Variants in RFX3 observed in about 807,000 individuals in gnomAD.
RFX3 encodes regulatory factor X3, also known as transcription factor RFX3.
In RFX3, 14 loss-of-function variants were observed where a neutral mutation model predicts 98.6. The observed-to-expected ratio is 0.14, with a 90% CI of 0.09 to 0.22. RFX3 has a LOEUF of 0.22. Among genes scored for constraint, RFX3 ranks in the 10% least tolerant of loss-of-function variants. RFX3 has a pLI of 1.00. For synonymous variants in RFX3, 383 were observed against 328.4 expected (o/e 1.17, Z -1.80); for missense variants, 639 against 926.9 (o/e 0.69, Z 4.03).
intron 3 of RFX3, among the ~76,000 whole-genome samples, chr9:3,344,096 G>C (rs1251217492): frequency 1.3e-5 from 2 of 152,146 alleles, no homozygotes; most frequent in Non-Finnish European, 2.9e-5. Flanking sequence ...CAGCAGTAAA[G>C]CAGTTTAAAA....
In RFX3 at chr9:3,288,124, A is replaced by G. The variant is rs1826883236; in HGVS notation, c.851+7T>C. On this transcript the variant is annotated splice_region_variant and intron_variant, in intron 7 of 16. Coordinates refer to ENST00000617270, the MANE Select transcript of RFX3 (RefSeq NM_001282116.2). ...TTGGACACATCAATGATAACTTCAG[A>G]GTCTACCTTTGTTTCTGTTGCATGG... 6.2e-7 allele frequency: 1 copy of G among 1,612,480 alleles called. No homozygotes were observed. The highest frequency in any genetic ancestry group is 2.2e-5 in the East Asian group (1 of 44,798).
At chr9:3,315,305 A>C (rs1357727223) in intron 4 of RFX3, among the ~76,000 whole-genome samples, 1 of 152,226 alleles carries the variant, frequency 6.6e-6, no homozygotes, top group African/African-American at 2.4e-5. Context: ...GGCAGAAATA[A>C]AGGTATTCTT....
intron 1 of RFX3, among the ~76,000 whole-genome samples, chr9:3,523,212 A>C (rs1319581813): frequency 6.6e-6 from 1 of 152,226 alleles, no homozygotes; most frequent in African/African-American, 2.4e-5. Context: ...CTTCTATTTA[A>C]TAGTTTTAGT....
chr9:3,444,108 C>T (rs764507171), intron 1 of RFX3, among the ~76,000 whole-genome samples: 7 of 152,130 alleles, frequency 4.6e-5, no homozygotes, highest in African/African-American at 7.2e-5. Context: ...AAATCATGTA[C>T]ATCGATAGTC....
chr9:3,402,615 A>G (rs990741747), intron 1 of RFX3, among the ~76,000 whole-genome samples: 1 of 151,962 alleles, frequency 6.6e-6, no homozygotes, highest in Admixed American at 6.6e-5. Context: ...TTTTTAAAAC[A>G]TAGAACCAAA....
At chr9:3,409,913 C>T (rs1374777104) in intron 1 of RFX3, among the ~76,000 whole-genome samples, 1 of 151,952 alleles carries the variant, frequency 6.6e-6, no homozygotes, top group African/African-American at 2.4e-5. Flanking sequence ...GAACTCAAGA[C>T]TCCCAATTCC....
At chr9:3,435,342 A>G (rs1410258706) in intron 1 of RFX3, among the ~76,000 whole-genome samples, 1 of 151,926 alleles carries the variant, frequency 6.6e-6, no homozygotes, top group Non-Finnish European at 1.5e-5. Context: ...CTGTACTAAA[A>G]TATTTTCTTT....
At chr9:3,283,354 C>T (rs1358567123) in intron 7 of RFX3, among the ~76,000 whole-genome samples, 1 of 151,638 alleles carries the variant, frequency 6.6e-6, no homozygotes, top group Non-Finnish European at 1.5e-5. Context: ...ATACGTTATT[C>T]CACTTGAACT....
chr9:3,453,932 G>A (rs1042991083), intron 1 of RFX3, among the ~76,000 whole-genome samples: 1 of 151,938 alleles, frequency 6.6e-6, no homozygotes, highest in African/African-American at 2.4e-5. Flanking sequence ...AAAAAGATAT[G>A]TCCACATTTA....
At chr9:3,383,981 A>G (rs1281532892) in intron 2 of RFX3, among the ~76,000 whole-genome samples, 2 of 152,150 alleles carry the variant, frequency 1.3e-5, no homozygotes, top group African/African-American at 4.8e-5. Flanking sequence ...CATTAAATTA[A>G]CCCTCTGATA....
intron 16 of RFX3, among the ~76,000 whole-genome samples, chr9:3,228,387 C>T (rs1031093037): frequency 2.0e-5 from 3 of 152,184 alleles, no homozygotes; most frequent in African/African-American, 7.2e-5. Flanking sequence ...ATCTATACCA[C>T]TACTAATCTT....
chr9:3,338,423 T>C (rs1183159344), intron 3 of RFX3, among the ~76,000 whole-genome samples: 2 of 152,234 alleles, frequency 1.3e-5, no homozygotes, highest in East Asian at 1.9e-4. Flanking sequence ...GTATTTTCAT[T>C]ACTATGTATG....
chr9:3,415,153 ATTCT>A (rs1842874894), intron 1 of RFX3, among the ~76,000 whole-genome samples: 1 of 138,760 alleles, frequency 7.2e-6, no homozygotes, highest in African/African-American at 2.7e-5. Context: ...TACTATATAT[ATTCT>A]TATATATATA....
chr9:3,320,764 A>G (rs1385864677), intron 4 of RFX3, among the ~76,000 whole-genome samples: 1 of 124,578 alleles, frequency 8.0e-6, no homozygotes, highest in Non-Finnish European at 1.6e-5. Context: ...TGCATGCTAC[A>G]TAGCATATAT....
chr9:3,359,252 T>G (rs561189813), intron 2 of RFX3, among the ~76,000 whole-genome samples: 1 of 152,286 alleles, frequency 6.6e-6, no homozygotes, highest in East Asian at 1.9e-4. Flanking sequence ...GAAAGTATCT[T>G]ATGTATACAT....
intron 1 of RFX3, among the ~76,000 whole-genome samples, chr9:3,521,603 T>C (rs1311564047): frequency 3.3e-5 from 5 of 152,174 alleles, no homozygotes; most frequent in South Asian, 4.1e-4. Context: ...AATAGGTTGA[T>C]AGTTTTTTTA....
intron 3 of RFX3, among the ~76,000 whole-genome samples, chr9:3,343,130 T>C (rs993950701): frequency 6.6e-6 from 1 of 152,214 alleles, no homozygotes; most frequent in African/African-American, 2.4e-5. Context: ...CACATATTCA[T>C]AAGTGACGAC....
intron 9 of RFX3, among the ~76,000 whole-genome samples, chr9:3,274,663 G>C (rs658368): frequency 0.99 from 150,126 of 152,268 alleles, 74,039 homozygotes; most frequent in Middle Eastern, 1. Context: ...ACCTAAGGTG[G>C]TTTATTAAAC....
At chr9:3,290,201 TAA>T (rs1293258037) in intron 6 of RFX3, among the ~76,000 whole-genome samples, 19 of 141,678 alleles carry the variant, frequency 1.3e-4, no homozygotes, top group Non-Finnish European at 1.9e-4. Context: ...TACATACAAT[TAA>T]AAAAAAAAAA....
Sources: allele counts gnomAD v4.1 joint callset (sites outside exome capture counted in the v4.1 genomes callset), GRCh38; gene constraint gnomAD v4.1.1; transcripts MANE v1.5; gene names NCBI Gene and HGNC (gene_info 2026-07-23, HGNC 2026-07-21).